The following TMEM181 variants were observed in gnomAD, a reference collection of about 807,000 sequenced individuals.
TMEM181 encodes G protein-coupled receptor 178.
In TMEM181, 39 loss-of-function variants were observed where a neutral mutation model predicts 71.9. The ratio of observed to expected loss-of-function variants is 0.54; its 90% CI spans 0.42 to 0.71. The LOEUF is 0.71. Ranked by LOEUF, TMEM181 falls within the 30% of genes least tolerant of loss-of-function variation. The probability of loss-of-function intolerance (pLI) is 0.00; values close to 1 mark genes in which losing one functional copy is unlikely to be tolerated. For missense variants in TMEM181, 595 were observed against 583.0 expected (o/e 1.02, Z -0.21); for synonymous variants, 245 against 228.8 (o/e 1.07, Z -0.64).
chr6:158,634,700 T>A lies in TMEM181; in HGVS notation c.*2812T>A, dbSNP rs1042267584. On this transcript the variant is annotated 3_prime_UTR_variant, in exon 17 of 17. Transcript: ENST00000684151. Reference sequence around the variant, plus strand: ...TATACTATGTTCAAGGTTTGTAAGGTTGTTAATGTACATAATTGCAGATTG... The same window carrying A: ...TATACTATGTTCAAGGTTTGTAAGGATGTTAATGTACATAATTGCAGATTG... 1.3e-5 allele frequency: 2 copies of A among 152,178 alleles called. No homozygotes were observed. The highest frequency in any genetic ancestry group is 1.5e-5 in the Non-Finnish European group (1 of 68,020). The allele number at this position is 152,178 out of a possible 1,614,324, so 9.4% of individuals were successfully genotyped here. A position where few individuals can be genotyped will look rare whatever the true frequency, so the allele number is the denominator to read the frequency against.
rs1786462217 is a variant in TMEM181, at chr6:158,628,391, T to C, written c.1110-17T>C. ...GTGCATGTTTACATATTGTCTCTGC[T>C]CCTCTGTCTTGTTCAGCATCGCCAT... is the stretch of plus-strand genomic sequence containing the variant. On this transcript the variant is annotated splice_polypyrimidine_tract_variant and intron_variant, in intron 13 of 16. Transcript: ENST00000684151. 1.2e-6 allele frequency: 2 copies of C among 1,613,632 alleles called. No homozygotes were observed. Among genetic ancestry groups the C allele is most frequent in the Admixed American group, 1.7e-5 (1 of 60,000 alleles).
intron 1 of TMEM181, among the ~76,000 whole-genome samples, chr6:158,568,276 T>C (rs1782622957): frequency 6.6e-6 from 1 of 151,984 alleles, no homozygotes; most frequent in Non-Finnish European, 1.5e-5. Flanking sequence ...TTTGAAACCT[T>C]TTGACCTTGA....
chr6:158,559,983 A>G (rs1782056597), upstream of TMEM181: 1 of 904,710 alleles, frequency 1.1e-6, no homozygotes, highest in Non-Finnish European at 1.3e-6. Context: ...GCCACGAAGG[A>G]GGGCCACCCC....
chr6:158,607,429 G>A, intron 8 of TMEM181, 86 bp downstream of exon 8: 2 of 1,289,172 alleles, frequency 1.6e-6, no homozygotes, highest in Non-Finnish European at 2.2e-6. Flanking sequence ...TGTCATCCCA[G>A]CACTTTGAGA....
intron 1 of TMEM181, among the ~76,000 whole-genome samples, chr6:158,537,218 C>T (rs1456540711): frequency 6.6e-6 from 1 of 152,172 alleles, no homozygotes; most frequent in East Asian, 1.9e-4. Context: ...CGTTCTCCCC[C>T]CGCGCCCGCC....
chr6:158,578,028 T>G (rs1783259822), intron 2 of TMEM181, among the ~76,000 whole-genome samples: 1 of 151,988 alleles, frequency 6.6e-6, no homozygotes, highest in Non-Finnish European at 1.5e-5. Flanking sequence ...AGGTGGAGGT[T>G]GTGGTGAGCT....
chr6:158,548,954 G>C (rs1205302834), intron 1 of TMEM181, among the ~76,000 whole-genome samples: 1 of 152,226 alleles, frequency 6.6e-6, no homozygotes, highest in Non-Finnish European at 1.5e-5. Flanking sequence ...GGGCTTGTGA[G>C]TGATGGCCTT....
chr6:158,626,467 T>G (rs1256491056), intron 13 of TMEM181: 1 of 456,568 alleles, frequency 2.2e-6, no homozygotes, highest in Non-Finnish European at 4.4e-6. Flanking sequence ...GTTGGCCCTT[T>G]TCCTTTATGA....
chr6:158,578,045 G>A (rs375409558), intron 2 of TMEM181, among the ~76,000 whole-genome samples: 6 of 152,068 alleles, frequency 3.9e-5, no homozygotes, highest in Non-Finnish European at 7.4e-5. Flanking sequence ...AGCTGAGATC[G>A]CGCCATTGCA....
At chr6:158,583,825 CAT>C in intron 3 of TMEM181, 127 bp from the exon 4 acceptor site, 1 of 611,964 alleles carries the variant, frequency 1.6e-6, no homozygotes, top group Non-Finnish European at 2.7e-6. Flanking sequence ...GAAAACCTCA[CAT>C]ATTTCTGTTT....
At chr6:158,572,173 C>G (rs1782890157) in intron 1 of TMEM181, among the ~76,000 whole-genome samples, 1 of 152,240 alleles carries the variant, frequency 6.6e-6, no homozygotes, top group Non-Finnish European at 1.5e-5. Context: ...TCACCCTGGC[C>G]CTGGGACGGG....
At position 158,536,853 on chromosome 6, in the gene TMEM181, A is replaced by G. The variant is rs778517250; in HGVS notation, c.119A>G (p.Asp40Gly). 5 of 1,462,586 alleles carry G rather than the reference A, an allele frequency of 3.4e-6. No homozygotes were observed. In the East Asian group the frequency reaches 1.1e-4, roughly 32 times the overall value. 90.6% of individuals were successfully genotyped at this position (1,462,586 alleles called of 1,614,324 possible). The change falls in exon 1 of 17, where the codon GAC (aspartate) becomes GGC (glycine). Residue 40 changes from aspartate to glycine, a missense_variant. Asp to Gly is a moderately conservative substitution (Grantham distance 94). Coordinates refer to the TMEM181 transcript ENST00000367090. ...GAGGACCTCACGCCCTTCAAGGATG[A>G]CCGCTACTACAGGTGGGCGCGGCGC... is the stretch of plus-strand genomic sequence containing the variant.
rs753654786 is a variant in TMEM181 at position 158,580,920 on chromosome 6, C to G, written c.113-20C>G. The stretch of plus-strand genomic sequence containing the variant: ...CAATATTGCTATAATCTGCTTTTGT[C>G]CTTTTCTGTTACACTTTAGGACCTA... On this transcript the variant is annotated intron_variant, in intron 2 of 16. Transcript: ENST00000684151. 3.5e-5 allele frequency: 56 copies of G among 1,580,932 alleles called. No homozygotes were observed. The highest frequency in any genetic ancestry group is 4.8e-5 in the Non-Finnish European group (55 of 1,154,844).
intron 1 of TMEM181, chr6:158,536,889 G>T: frequency 6.8e-6 from 9 of 1,328,108 alleles, no homozygotes; most frequent in Non-Finnish European, 8.7e-6. Context: ...GGGCAGCGGC[G>T]GGGCGGCCGG....
At chr6:158,608,809 AAGGCC>A in intron 10 of TMEM181, 59 bp downstream of exon 10, 1 of 1,541,100 alleles carries the variant, frequency 6.5e-7, no homozygotes, top group African/African-American at 1.4e-5. Context: ...CAAAAGTGGA[AAGGCC>A]AGGCCAGGCG....
chr6:158,538,453 C>T (rs902272919), intron 1 of TMEM181, among the ~76,000 whole-genome samples: 5 of 127,932 alleles, frequency 3.9e-5, no homozygotes, highest in African/African-American at 1.4e-4. Flanking sequence ...CCATGCCTGG[C>T]CTTTTTTTTT....
chr6:158,587,556 C>T (rs1783838493), intron 5 of TMEM181, among the ~76,000 whole-genome samples: 1 of 151,682 alleles, frequency 6.6e-6, no homozygotes, highest in Middle Eastern at 3.2e-3. Context: ...CTTTGAACTC[C>T]TGGGCTCAAG....
chr6:158,624,340 A>C (rs1786145719), intron 11 of TMEM181, among the ~76,000 whole-genome samples: 1 of 115,862 alleles, frequency 8.6e-6, no homozygotes, highest in Non-Finnish European at 1.9e-5. Context: ...TGCTTTTGAG[A>C]AAAATGATCC....
chr6:158,575,159 C>T (rs1451959125), intron 2 of TMEM181, among the ~76,000 whole-genome samples: 3 of 152,220 alleles, frequency 2.0e-5, no homozygotes, highest in Admixed American at 2.0e-4. Flanking sequence ...CCAAATGTCT[C>T]AGCACCCTGT....
Sources: allele counts gnomAD v4.1 joint callset (sites outside exome capture counted in the v4.1 genomes callset), GRCh38; gene constraint gnomAD v4.1.1; transcripts MANE v1.5; gene names NCBI Gene and HGNC (gene_info 2026-07-23, HGNC 2026-07-21).